Variants in PIWIL2 observed in about 807,000 individuals in gnomAD.
The protein encoded by PIWIL2 is piwi like RNA-mediated gene silencing 2.
PIWIL2 carries 81 observed loss-of-function variants against 116.5 expected under a neutral mutation model. The observed-to-expected ratio is 0.70, with a 90% CI of 0.58 to 0.84. The LOEUF (loss-of-function observed/expected upper bound fraction) is 0.84, where lower values mean the gene tolerates loss of function less well. PIWIL2 is among the 40% of genes least tolerant of loss of function. The pLI, the probability that PIWIL2 is intolerant of heterozygous loss-of-function variation, is 0.00. For synonymous variants in PIWIL2, 489 were observed against 429.5 expected, an observed-to-expected ratio of 1.14 and a Z score of -1.71; for missense variants, 1,272 against 1,212.3, an observed-to-expected ratio of 1.05 and a Z score of -0.73.
At chr8:22,308,574 A>G (rs1382405114) in intron 14 of PIWIL2, among the ~76,000 whole-genome samples, 1 of 151,996 alleles carries the variant, frequency 6.6e-6, no homozygotes, top group Non-Finnish European at 1.5e-5. Flanking sequence ...AATCACTTGA[A>G]CCCGGGAGGT....
intron 20 of PIWIL2, among the ~76,000 whole-genome samples, chr8:22,342,374 A>G (rs1832130510): frequency 1.3e-5 from 2 of 152,234 alleles, no homozygotes; most frequent in African/African-American, 4.8e-5. Context: ...TAGCTCAAAG[A>G]CTTACTGTAA....
At chr8:22,318,587 G>T (rs1244528261) in intron 20 of PIWIL2, among the ~76,000 whole-genome samples, 1 of 152,074 alleles carries the variant, frequency 6.6e-6, no homozygotes, top group African/African-American at 2.4e-5. Context: ...CAAAGTGTTG[G>T]GATTACAGCT....
In PIWIL2 at chr8:22,356,807, C is replaced by A. The variant is rs1832498739; in HGVS notation, c.*1302C>A. 3.9e-5 allele frequency: 6 copies of A among 152,268 alleles called. No homozygotes were observed. The South Asian group carries it at 1.2e-3, about 32-fold the overall frequency. 9.4% of individuals were successfully genotyped at this position (152,268 alleles called of 1,614,324 possible). A position where few individuals can be genotyped will look rare whatever the true frequency, so the allele number is the denominator to read the frequency against. On this transcript the variant is annotated 3_prime_UTR_variant, in exon 23 of 23. Transcript: ENST00000356766. ...AAAGTCCAGATGGTTAGAAAGTTATCACATACCATGGGTTTCAGTGTTTTT... is the reference window on the plus strand; with the variant it reads ...AAAGTCCAGATGGTTAGAAAGTTATAACATACCATGGGTTTCAGTGTTTTT...
chr8:22,281,572 G>C, intron 4 of PIWIL2, 57 bp downstream of exon 4: 1 of 1,370,584 alleles, frequency 7.3e-7, no homozygotes, highest in Non-Finnish European at 9.9e-7. Flanking sequence ...ATCTCTGTAA[G>C]TTCAGAGAGC....
chr8:22,302,020 A>AT (rs1168459083), intron 10 of PIWIL2, among the ~76,000 whole-genome samples: 1 of 151,004 alleles, frequency 6.6e-6, no homozygotes, highest in Non-Finnish European at 1.5e-5. Flanking sequence ...TTATTGTCTG[A>AT]TTTTTCATTT....
intron 10 of PIWIL2, among the ~76,000 whole-genome samples, chr8:22,295,629 C>A (rs944525858): frequency 1.3e-5 from 2 of 152,134 alleles, no homozygotes; most frequent in Admixed American, 6.5e-5. Flanking sequence ...TGTCAGGGAG[C>A]TCTGCAGGCT....
intron 19 of PIWIL2, among the ~76,000 whole-genome samples, chr8:22,317,147 A>C (rs566402804): frequency 6.6e-6 from 1 of 152,202 alleles, no homozygotes; most frequent in African/African-American, 2.4e-5. Context: ...ACCTCCTCCA[A>C]GGCTGGGGCT....
intron 20 of PIWIL2, among the ~76,000 whole-genome samples, chr8:22,348,497 C>T (rs1313727518): frequency 6.6e-6 from 1 of 152,156 alleles, no homozygotes; most frequent in South Asian, 2.1e-4. Flanking sequence ...GTGTTGCTTT[C>T]GAGAACATTC....
rs372392004 is a variant in PIWIL2, at chr8:22,311,424, G to A, written c.1989+124G>A. ...GCCCTAGAACTTGTCTTACCCATGC[G>A]CACATGAAATACTGATTGAAAAGTG... On this transcript the variant is annotated intron_variant, in intron 16 of 22. Transcript: ENST00000356766. 1.8e-4 allele frequency: 131 copies of A among 744,574 alleles called. No homozygotes were observed. In the East Asian group the frequency reaches 2.0e-3, roughly 11 times the overall value. The allele number at this position is 744,574 out of a possible 1,614,324, so 46.1% of individuals were successfully genotyped here. A position where few individuals can be genotyped will look rare whatever the true frequency, so the allele number is the denominator to read the frequency against.
intron 22 of PIWIL2, 149 bp downstream of exon 22, chr8:22,354,527 G>A (rs1832447566): frequency 7.7e-6 from 4 of 517,184 alleles, no homozygotes; most frequent in Admixed American, 3.4e-5. Flanking sequence ...AGGAGAGATT[G>A]GAAATCCTGG....
In PIWIL2 at chr8:22,288,437, T is replaced by C. The variant is rs1006971462; in HGVS notation, c.862-105T>C. ...TGAGGGGAAAAGTAGAAAAATGTTT[T>C]AAGATACTTTAGTGTTCTTAAGAAC... On this transcript the variant is annotated intron_variant, in intron 7 of 22. Transcript: ENST00000356766. 8.8e-6 allele frequency: 7 copies of C among 792,098 alleles called. No individual in the cohort carries two copies. The Admixed American group carries it at 9.1e-5, about 10-fold the overall frequency. 49.1% of individuals were successfully genotyped at this position (792,098 alleles called of 1,614,324 possible). A position where few individuals can be genotyped will look rare whatever the true frequency, so the allele number is the denominator to read the frequency against.
chr8:22,294,663 A>G (rs1157117759), intron 10 of PIWIL2, among the ~76,000 whole-genome samples: 8 of 150,214 alleles, frequency 5.3e-5, no homozygotes, highest in Non-Finnish European at 8.9e-5. Context: ...AAAAAAAAAA[A>G]AAAAAGAAAA....
At chr8:22,317,996 AAT>A (rs1224490339) in intron 19 of PIWIL2, among the ~76,000 whole-genome samples, 172 bp from the exon 20 acceptor site, 1 of 152,138 alleles carries the variant, frequency 6.6e-6, no homozygotes, top group Non-Finnish European at 1.5e-5. Context: ...ATATGACTTA[AAT>A]ATGTCTTTTC....
At chr8:22,309,909 C>G in intron 14 of PIWIL2, 52 bp from the exon 15 acceptor site, 1 of 1,090,994 alleles carries the variant, frequency 9.2e-7, no homozygotes, top group Non-Finnish European at 1.4e-6. Flanking sequence ...CAGTGTTTTT[C>G]TAAATAGCGT....
At position 22,352,976 on chromosome 8, in the gene PIWIL2, A is replaced by G; in HGVS notation, c.2421A>G (p.Pro807=). ...CATTTCAGGTGAACCACTGTCTACC[A>G]GAGAAGATTGTGGTGTACCGTGATG... ...KKFYEVNHCL[P]EKIVVYRDGV... is the part of the protein sequence containing the mutation. Residue 807 remains proline, a synonymous_variant, in exon 21 of 23, where the codon CCA becomes CCG. Transcript: ENST00000356766. The G allele has an allele frequency of 6.2e-7, 1 of 1,613,226 alleles. No homozygotes were observed. Among genetic ancestry groups the G allele is most frequent in the East Asian group, 2.2e-5 (1 of 44,870 alleles).
intron 20 of PIWIL2, among the ~76,000 whole-genome samples, chr8:22,338,086 C>G (rs1317453006): frequency 6.6e-6 from 1 of 150,840 alleles, no homozygotes; most frequent in Non-Finnish European, 1.5e-5. Context: ...GAGCGAGACT[C>G]CATCTCAAAA....
At chr8:22,285,087 G>C (rs1830600377) in intron 6 of PIWIL2, among the ~76,000 whole-genome samples, 1 of 152,026 alleles carries the variant, frequency 6.6e-6, no homozygotes, top group Non-Finnish European at 1.5e-5. Context: ...TTTTTTTGTG[G>C]TGAAAACATT....
At chr8:22,308,861 C>A (rs1831254416) in intron 14 of PIWIL2, among the ~76,000 whole-genome samples, 1 of 152,112 alleles carries the variant, frequency 6.6e-6, no homozygotes, top group Non-Finnish European at 1.5e-5. Context: ...GTTGCCATGG[C>A]TGGTCTCTCG....
At chr8:22,307,275 G>A (rs183843207) in intron 13 of PIWIL2, among the ~76,000 whole-genome samples, 27 of 151,386 alleles carry the variant, frequency 1.8e-4, no homozygotes, top group Non-Finnish European at 3.7e-4. Context: ...GCCTGTCTTG[G>A]CCTCCCAAAG....
Sources: allele counts gnomAD v4.1 joint callset (sites outside exome capture counted in the v4.1 genomes callset), GRCh38; gene constraint gnomAD v4.1.1; transcripts MANE v1.5; gene names NCBI Gene and HGNC (gene_info 2026-07-23, HGNC 2026-07-21).